AAGAB: variants seen among roughly 807,000 people sequenced by gnomAD.
The protein encoded by AAGAB is alpha- and gamma-adaptin-binding protein p34.
Under a neutral mutation model 44.1 loss-of-function variants are expected in AAGAB, and 38 were observed. The observed-to-expected ratio is 0.86, with a 90% CI of 0.67 to 1.13. AAGAB has a LOEUF of 1.13. Among genes scored for constraint, AAGAB ranks in the 50% most tolerant of loss-of-function variants. The pLI is 0.00. For missense variants in AAGAB, 450 were observed against 373.8 expected (o/e 1.20, Z -1.68); for synonymous variants, 131 against 131.8 (o/e 0.99, Z 0.04).
In AAGAB at chr15:67,234,024, C is replaced by T. The variant is rs549383984; in HGVS notation, c.451+1955G>A. ...TTGGGAGGCCGAGGCAGGTGGATCA[C>T]GAGGTCAGGAGATTGAGACCATCCT... On this transcript the variant is annotated intron_variant, in intron 4 of 9. Coordinates refer to ENST00000261880, the MANE Select transcript of AAGAB (RefSeq NM_024666.5). Among the ~76,000 whole-genome samples, 48 of 150,564 alleles carry T rather than the reference C, an allele frequency of 3.2e-4. No individual in the cohort carries two copies. The Middle Eastern group carries it at 0.014, about 45-fold the overall frequency.
At chr15:67,242,878 A>C (rs1356263667) in intron 1 of AAGAB, 1 of 152,162 alleles carries the variant, frequency 6.6e-6, no homozygotes, top group Non-Finnish European at 1.5e-5. Context: ...GATTGACTTA[A>C]AGCAACATAC....
chr15:67,220,538 C>T (rs1357737667), intron 5 of AAGAB: 2 of 152,186 alleles, frequency 1.3e-5, no homozygotes, highest in Admixed American at 1.3e-4. Context: ...TGTTTTTCCC[C>T]ACCTGTAAAA....
Position 67,201,040 on chromosome 15 carries a change from T to C in AAGAB, c.*1781A>G, listed in dbSNP as rs1963558586. ...GACATTAGCACAGTTTATAAATAAA[T>C]CACATTTTAATCATCTGGCTTTGTT... On this transcript the variant is annotated 3_prime_UTR_variant, in exon 10 of 10. Transcript: ENST00000261880. 6.6e-6 allele frequency: 1 copy of C among 152,290 alleles called. No homozygotes were observed. The highest frequency in any genetic ancestry group is 1.5e-5 in the Non-Finnish European group (1 of 68,018). 9.4% of individuals were successfully genotyped at this position (152,290 alleles called of 1,614,324 possible).
chr15:67,231,122 C>T (rs1479852786), intron 5 of AAGAB, among the ~76,000 whole-genome samples: 1 of 152,118 alleles, frequency 6.6e-6, no homozygotes, highest in Non-Finnish European at 1.5e-5. Context: ...TCACTGCAGC[C>T]TTGACTTCTT....
chr15:67,247,025 T>C (rs368676270), intron 1 of AAGAB, among the ~76,000 whole-genome samples: 12 of 152,214 alleles, frequency 7.9e-5, no homozygotes, highest in African/African-American at 4.8e-5. Flanking sequence ...TTATGAGTTG[T>C]AACACTCACC....
chr15:67,251,215 CGTGTGTGTGTGTGTGTGTGTCTGTGTGT>C (rs1241933989), intron 1 of AAGAB, among the ~76,000 whole-genome samples: 6 of 143,538 alleles, frequency 4.2e-5, no homozygotes, highest in Non-Finnish European at 7.7e-5. Flanking sequence ...ATTTTAAGTG[CGTGTGTGTGTGTGTGTGTGTCTGTGTGT>C]GTGTGTGTGT....
At chr15:67,206,479 A>G (rs961114322) in intron 7 of AAGAB, among the ~76,000 whole-genome samples, 1 of 152,164 alleles carries the variant, frequency 6.6e-6, no homozygotes, top group Non-Finnish European at 1.5e-5. Context: ...ACCAAGAACT[A>G]TTACTGTGTT....
At chr15:67,220,390 A>G (rs1489723344) in intron 5 of AAGAB, 1 of 152,242 alleles carries the variant, frequency 6.6e-6, no homozygotes, top group Non-Finnish European at 1.5e-5. Context: ...CATTTCTCCA[A>G]CTGCCCAGTA....
chr15:67,240,362 T>C (rs929590248), intron 1 of AAGAB, among the ~76,000 whole-genome samples: 2 of 152,204 alleles, frequency 1.3e-5, no homozygotes, highest in Non-Finnish European at 2.9e-5. Context: ...GACTCCGATA[T>C]GCACAAAGAA....
chr15:67,253,585 C>T (rs1964955054), intron 1 of AAGAB, among the ~76,000 whole-genome samples: 1 of 151,836 alleles, frequency 6.6e-6, no homozygotes, highest in African/African-American at 2.4e-5. Context: ...AAGACTCTGG[C>T]TCTACAAAAA....
chr15:67,219,695 T>C (rs949865063), intron 5 of AAGAB, among the ~76,000 whole-genome samples: 2 of 152,040 alleles, frequency 1.3e-5, no homozygotes, highest in Admixed American at 1.3e-4. Context: ...AAACGATCTA[T>C]GGGGCAATGG....
At position 67,235,828 on chromosome 15, in the gene AAGAB, G is replaced by C. The variant is rs530964689; in HGVS notation, c.451+151C>G. 1.0e-5 allele frequency: 6 copies of C among 600,138 alleles called. No individual in the cohort carries two copies. The East Asian group carries it at 1.8e-4, about 18-fold the overall frequency. 37.2% of individuals were successfully genotyped at this position (600,138 alleles called of 1,614,324 possible). On this transcript the variant is annotated intron_variant, in intron 4 of 9. Transcript: ENST00000261880. ...AAATGAATTATTACACTAAGTGTAA[G>C]ATTATAAGATTACATCAATGGATTT... is the stretch of plus-strand genomic sequence containing the variant.
At chr15:67,217,494 G>C (rs967488746) in intron 5 of AAGAB, among the ~76,000 whole-genome samples, 1 of 152,200 alleles carries the variant, frequency 6.6e-6, no homozygotes, top group African/African-American at 2.4e-5. Context: ...TTTCTCAGGA[G>C]AGCAGCCCAA....
chr15:67,225,124 G>C (rs577373175), intron 5 of AAGAB, among the ~76,000 whole-genome samples: 1 of 152,316 alleles, frequency 6.6e-6, no homozygotes, highest in South Asian at 2.1e-4. Context: ...GGTAGCATAG[G>C]TTTTAAAAGC....
Position 67,202,766 on chromosome 15 carries a change from G to A in AAGAB, c.*55C>T. On this transcript the variant is annotated 3_prime_UTR_variant, in exon 10 of 10. Transcript: ENST00000261880. ...GCAAAATATGACTGGGCTGAGTAGA[G>A]AGGTATCTCAGAGACAGCTAGCATC... is the stretch of plus-strand genomic sequence containing the variant. 1 of 1,562,344 alleles carries A rather than the reference G, an allele frequency of 6.4e-7. No individual in the cohort carries two copies. Among genetic ancestry groups the A allele is most frequent in the South Asian group, 1.1e-5 (1 of 90,066 alleles).
intron 1 of AAGAB, chr15:67,254,225 T>C: frequency 3.1e-6 from 1 of 318,552 alleles, no homozygotes; most frequent in South Asian, 7.6e-5. Flanking sequence ...TTCCAGCACC[T>C]TACACTCCTG....
At position 67,224,150 on chromosome 15, in the gene AAGAB, G is replaced by A. The variant is rs115751084; in HGVS notation, c.535+7664C>T. On this transcript the variant is annotated intron_variant, in intron 5 of 9. Coordinates refer to ENST00000261880, the MANE Select transcript of AAGAB (RefSeq NM_024666.5). Reference sequence around the variant, plus strand: ...TCCCACCAGAATGAAAGCTCCTAAGGACAGACATTTTTGTTTAATTTGTTC... The same window carrying A: ...TCCCACCAGAATGAAAGCTCCTAAGAACAGACATTTTTGTTTAATTTGTTC... 4.8e-3 allele frequency among the ~76,000 whole-genome samples: 729 copies of A among 152,212 alleles called. 4 individuals are homozygous for A. The highest frequency in any genetic ancestry group is 0.017 in the African/African-American group (705 of 41,524).
intron 1 of AAGAB, among the ~76,000 whole-genome samples, chr15:67,244,628 CCCTGTCTCTA>C (rs1964678078): frequency 6.6e-6 from 1 of 151,872 alleles, no homozygotes; most frequent in African/African-American, 2.4e-5. Context: ...CATGGTGAAA[CCCTGTCTCTA>C]CCAAAAATAC....
intron 4 of AAGAB, among the ~76,000 whole-genome samples, chr15:67,235,397 G>A (rs1964437192): frequency 6.6e-6 from 1 of 152,252 alleles, no homozygotes; most frequent in Non-Finnish European, 1.5e-5. Context: ...CAAAACAGGT[G>A]TACTTCAAAG....
Sources: allele counts gnomAD v4.1 joint callset (sites outside exome capture counted in the v4.1 genomes callset), GRCh38; gene constraint gnomAD v4.1.1; transcripts MANE v1.5; gene names NCBI Gene and HGNC (gene_info 2026-07-23, HGNC 2026-07-21).